Variants in AKAP9 observed in about 807,000 individuals in gnomAD.
AKAP9 encodes A-kinase anchor protein 9.
AKAP9 carries 311 observed loss-of-function variants against 488.5 expected under a neutral mutation model. The ratio of observed to expected loss-of-function variants is 0.64; its 90% confidence interval spans 0.58 to 0.70. The LOEUF (loss-of-function observed/expected upper bound fraction) is 0.70. AKAP9 is among the 30% of genes least tolerant of loss of function. AKAP9 has a pLI of 0.00. For synonymous variants in AKAP9, 1,462 were observed against 1,483.5 expected, an observed-to-expected ratio of 0.99 and a Z score of 0.33; for missense variants, 4,215 against 4,374.5, an observed-to-expected ratio of 0.96 and a Z score of 1.03.
chr7:91,948,690 C>T (rs1351382333), intron 1 of AKAP9, among the ~76,000 whole-genome samples: 2 of 149,508 alleles, frequency 1.3e-5, no homozygotes, highest in African/African-American at 5.0e-5. Flanking sequence ...CAGCTCACTG[C>T]AACCTCCACC....
intron 1 of AKAP9, among the ~76,000 whole-genome samples, chr7:91,965,369 C>CT (rs1481226633): frequency 1.3e-5 from 2 of 152,096 alleles, no homozygotes; most frequent in Admixed American, 1.3e-4. Flanking sequence ...ACAATTTGTT[C>CT]TTTTTTTATG....
intron 49 of AKAP9, among the ~76,000 whole-genome samples, chr7:92,109,675 T>C (rs1291320066): frequency 6.6e-6 from 1 of 152,174 alleles, no homozygotes; most frequent in Non-Finnish European, 1.5e-5. Context: ...CGGTGGCTCA[T>C]GCCTGTAATC....
chr7:91,969,359 A>G (rs1370337181), intron 1 of AKAP9, among the ~76,000 whole-genome samples: 1 of 152,190 alleles, frequency 6.6e-6, no homozygotes, highest in African/African-American at 2.4e-5. Flanking sequence ...AGAATGCTCC[A>G]TATACTGATG....
intron 7 of AKAP9, among the ~76,000 whole-genome samples, chr7:92,000,171 A>G (rs1475873607): frequency 6.6e-6 from 1 of 152,176 alleles, no homozygotes; most frequent in Non-Finnish European, 1.5e-5. Context: ...GAACTGGGGG[A>G]GAGTATCTGC....
intron 14 of AKAP9, among the ~76,000 whole-genome samples, chr7:92,026,578 G>C (rs868569253): frequency 6.6e-6 from 1 of 152,234 alleles, no homozygotes; most frequent in South Asian, 2.1e-4. Context: ...CGAGTGATCT[G>C]CCCGCCTCGG....
Position 92,001,852 on chromosome 7 carries a change from A to T in AKAP9, c.1935A>T (p.Glu645Asp). The T allele has an allele frequency of 6.2e-7, 1 of 1,613,432 alleles. No homozygotes were observed. Among genetic ancestry groups the T allele is most frequent in the Non-Finnish European group, 8.5e-7 (1 of 1,179,562 alleles). The change falls in exon 8 of 50, where the codon GAA becomes GAT. Residue 645 changes from glutamate to aspartate, a missense_variant. Physicochemically the swap from Glu to Asp is conservative, Grantham distance 45. Coordinates refer to ENST00000356239, the MANE Select transcript of AKAP9 (RefSeq NM_005751.5). ...TTTCCAAACTGAAGGAAGATTTAGA[A>T]ATTGAACATCGAATAAATATTGAAA... ...EELSKLKEDL[E>D]IEHRINIEKL...
chr7:91,976,036 C>G (rs1795645633), intron 2 of AKAP9, among the ~76,000 whole-genome samples: 1 of 150,712 alleles, frequency 6.6e-6, no homozygotes, highest in Non-Finnish European at 1.5e-5. Flanking sequence ...TCGAGTGATT[C>G]TCCTGCCTCA....
At position 91,940,963 on chromosome 7, in the gene AKAP9, C is replaced by G. The variant is rs1037509560; in HGVS notation, c.-137C>G. ...GTGAGCGCGGAGACTGCTTCCACTT[C>G]GGGCGGGGGAGCGCCGGACCGAATC... On this transcript the variant is annotated 5_prime_UTR_variant, in exon 1 of 50. Coordinates refer to ENST00000356239, the MANE Select transcript of AKAP9 (RefSeq NM_005751.5). The G allele has an allele frequency of 3.3e-6, 3 of 914,020 alleles. No individual in the cohort carries two copies. The East Asian group carries it at 7.3e-5, about 22-fold the overall frequency. 56.6% of individuals were successfully genotyped at this position (914,020 alleles called of 1,614,324 possible).
At position 92,102,724 on chromosome 7, in the gene AKAP9, T is replaced by G. The variant is rs1817777006; in HGVS notation, c.11228T>G (p.Met3743Arg). The G allele has an allele frequency of 6.2e-7, 1 of 1,613,978 alleles. No individual in the cohort carries two copies. The highest frequency in any genetic ancestry group is 1.3e-5 in the African/African-American group (1 of 75,000). ...EDATLALLAR[M>R]GGQPAFTDLE... ...GCCACCTTGGCCCTGCTTGCCCGGA[T>G]GGGGGGGCAGCCAGCTTTCACGGAT... Residue 3743 changes from methionine to arginine, a missense_variant, in exon 46 of 50, where the codon ATG (methionine) becomes AGG (arginine). Around this residue, in one of 5 missense-constraint regions of AKAP9, gnomAD observed 253 missense variants for 266.8 expected, o/e 0.95. Coordinates refer to ENST00000356239, the MANE Select transcript of AKAP9 (RefSeq NM_005751.5).
intron 24 of AKAP9, chr7:92,063,492 C>G (rs1306451452): frequency 1.0e-6 from 1 of 984,214 alleles, no homozygotes; most frequent in Admixed American, 6.2e-5. Flanking sequence ...GATGCAGCAC[C>G]AGGAGCAGGT....
intron 14 of AKAP9, among the ~76,000 whole-genome samples, chr7:92,026,036 T>C (rs1041573297): frequency 1.3e-5 from 2 of 151,848 alleles, no homozygotes; most frequent in African/African-American, 2.4e-5. Flanking sequence ...AACAGCAAAA[T>C]GGAAATGAAG....
chr7:92,004,525 C>G (rs182331731), intron 8 of AKAP9, among the ~76,000 whole-genome samples: 2 of 152,106 alleles, frequency 1.3e-5, no homozygotes, highest in Admixed American at 1.3e-4. Context: ...CTTGAAGAGG[C>G]CCTTCATATC....
rs1217029915 is a variant in AKAP9, at chr7:92,085,514, A to G, written c.8852A>G (p.His2951Arg). ...KKIKGLLRAV[H>R]NEGMQVLSLT... is the part of the protein sequence containing the mutation. ...TTCCAGGGATTACTGAGAGCTGTCC[A>G]TAATGAAGGCATGCAGGTGCTTTCT... Residue 2951 changes from histidine (H) to arginine (R), a missense_variant, in exon 36 of 50, where the codon CAT (histidine) becomes CGT (arginine). His to Arg is a conservative substitution (Grantham distance 29). Around this residue, in one of 5 missense-constraint regions of AKAP9, gnomAD observed 1,476 missense variants for 1,477.4 expected, o/e 1.00. Transcript: ENST00000356239. 3 of 1,614,108 alleles carry G rather than the reference A, an allele frequency of 1.9e-6. No homozygotes were observed. The highest frequency in any genetic ancestry group is 2.2e-5 in the South Asian group (2 of 91,082).
At chr7:92,013,878 T>TAAAAAAAAA (rs758965127) in intron 9 of AKAP9, among the ~76,000 whole-genome samples, 1 of 147,696 alleles carries the variant, frequency 6.8e-6, no homozygotes, top group Non-Finnish European at 1.5e-5. Flanking sequence ...TCAACATTTT[T>TAAAAAAAAA]AAAAAAAAAA....
In AKAP9 at chr7:92,001,519, T is replaced by C. The variant is rs865872746; in HGVS notation, c.1602T>C (p.Val534=). The change falls in exon 8 of 50, where the codon GTT becomes GTC. Residue 534 remains valine, a synonymous_variant. Transcript: ENST00000356239. Reference sequence around the variant, plus strand: ...TACAGAGACAGCTTGAAGACCTTGTTGAAGAATTGAGCTTTTCAAGGGAAC... The same window carrying C: ...TACAGAGACAGCTTGAAGACCTTGTCGAAGAATTGAGCTTTTCAAGGGAAC... ...CALQRQLEDL[V]EELSFSREQI... 1 of 1,613,864 alleles carries C rather than the reference T, an allele frequency of 6.2e-7. No individual in the cohort carries two copies. Among genetic ancestry groups the C allele is most frequent in the Middle Eastern group, 1.7e-4 (1 of 6,060 alleles).
At chr7:92,070,264 T>C in intron 27 of AKAP9, 58 bp downstream of exon 27, 1 of 1,533,084 alleles carries the variant, frequency 6.5e-7, no homozygotes, top group Non-Finnish European at 9.0e-7. Flanking sequence ...TACTCTTAAA[T>C]TGTCAACTTC....
chr7:92,067,853 A>G lies in AKAP9; in HGVS notation c.6330+1307A>G, dbSNP rs184041515. Among the ~76,000 whole-genome samples the G allele has an allele frequency of 1.0e-3, 159 of 152,330 alleles. 1 individual carries two copies. Among genetic ancestry groups the G allele is most frequent in the African/African-American group, 3.6e-3 (149 of 41,588 alleles). ...CAAATCTCTGTTAATTCATTTCTAA[A>G]ATAGAGATTGTAATAGCACCCACAT... is the stretch of plus-strand genomic sequence containing the variant. On this transcript the variant is annotated intron_variant, in intron 26 of 49. Coordinates refer to ENST00000356239, the MANE Select transcript of AKAP9 (RefSeq NM_005751.5).
At position 92,058,433 on chromosome 7, in the gene AKAP9, C is replaced by T. The variant is rs113507972; in HGVS notation, c.5602-2827C>T. On this transcript the variant is annotated intron_variant, in intron 22 of 49. Coordinates refer to ENST00000356239, the MANE Select transcript of AKAP9 (RefSeq NM_005751.5). ...TTATTCAGTAAGTATAAAAAATATT[C>T]ATTTAGTTAAACACTATAATGAGAA... 24 of 475,774 alleles carry T rather than the reference C, an allele frequency of 5.0e-5. 1 individual carries two copies. Among genetic ancestry groups the T allele is most frequent in the African/African-American group, 2.2e-4 (11 of 49,648 alleles). The allele number at this position is 475,774 out of a possible 1,614,324, so 29.5% of individuals were successfully genotyped here.
chr7:92,038,857 A>G (rs1364545301), intron 17 of AKAP9, 85 bp downstream of exon 17: 1 of 926,522 alleles, frequency 1.1e-6, no homozygotes, highest in Non-Finnish European at 1.6e-6. Flanking sequence ...AGTGCTGCTT[A>G]ATGTTTGGAG....
Sources: gnomAD v4.1 joint callset for allele counts (sites outside exome capture counted in the v4.1 genomes callset) on GRCh38, gnomAD v4.1.1 for gene constraint, gnomAD v4.1.1 regional missense constraint, MANE v1.5 for transcripts, NCBI Gene and HGNC (gene_info 2026-07-23, HGNC 2026-07-21) for gene names.